SLX4IP: variants seen among roughly 807,000 people sequenced by gnomAD.
The protein encoded by SLX4IP is SLX4 interacting protein.
SLX4IP carries 34 observed loss-of-function variants against 32.9 expected under a neutral mutation model. That is an observed-to-expected ratio of 1.03 (90% confidence interval 0.79 to 1.38). The LOEUF (loss-of-function observed/expected upper bound fraction) is 1.38. Ranked by LOEUF, SLX4IP falls within the 40% of genes most tolerant of loss-of-function variation. The pLI is 0.00. For synonymous variants in SLX4IP, 172 were observed against 171.7 expected (o/e 1.00, Z -0.01); for missense variants, 444 against 479.0 (o/e 0.93, Z 0.68).
chr20:10,524,885 C>T (rs957395171), intron 2 of SLX4IP, among the ~76,000 whole-genome samples: 11 of 152,164 alleles, frequency 7.2e-5, no homozygotes, highest in Admixed American at 6.5e-4. Context: ...GACATTTCTC[C>T]TCGTCATTTC....
At chr20:10,577,059 A>G (rs991898569) in intron 4 of SLX4IP, among the ~76,000 whole-genome samples, 2 of 152,198 alleles carry the variant, frequency 1.3e-5, no homozygotes, top group South Asian at 2.1e-4. Flanking sequence ...ATTATTTACA[A>G]GAATGATTTG....
At chr20:10,599,773 T>A (rs2122547609) in intron 5 of SLX4IP, among the ~76,000 whole-genome samples, 1 of 152,328 alleles carries the variant, frequency 6.6e-6, no homozygotes, top group Middle Eastern at 3.4e-3. Context: ...AACCTTGCAC[T>A]TGTGCCCTTT....
intron 2 of SLX4IP, among the ~76,000 whole-genome samples, chr20:10,475,170 C>G (rs2065464880): frequency 6.6e-6 from 1 of 152,268 alleles, no homozygotes; most frequent in Non-Finnish European, 1.5e-5. Flanking sequence ...ATCCCTGTCT[C>G]TGCTCCAGCC....
chr20:10,510,806 A>C (rs1294130756), intron 2 of SLX4IP, among the ~76,000 whole-genome samples: 1 of 152,086 alleles, frequency 6.6e-6, no homozygotes, highest in East Asian at 1.9e-4. Context: ...GGGTTTCACC[A>C]TGTTCGCCAG....
intron 2 of SLX4IP, among the ~76,000 whole-genome samples, chr20:10,468,894 C>A (rs1393918721): frequency 6.6e-6 from 1 of 152,116 alleles, no homozygotes; most frequent in East Asian, 1.9e-4. Context: ...AAGGAGCTGT[C>A]CTATGCTTCT....
chr20:10,439,727 T>C (rs1254377045), intron 1 of SLX4IP, among the ~76,000 whole-genome samples: 1 of 152,260 alleles, frequency 6.6e-6, no homozygotes, highest in African/African-American at 2.4e-5. Flanking sequence ...CATGTACATG[T>C]CTAATCACTT....
At chr20:10,521,775 C>G (rs757376668) in intron 2 of SLX4IP, among the ~76,000 whole-genome samples, 18 of 152,186 alleles carry the variant, frequency 1.2e-4, no homozygotes, top group Admixed American at 2.0e-4. Flanking sequence ...GGCTGCTTCT[C>G]TTTTACATAC....
chr20:10,508,497 T>C (rs2065778121), intron 2 of SLX4IP, among the ~76,000 whole-genome samples: 1 of 152,218 alleles, frequency 6.6e-6, no homozygotes, highest in Admixed American at 6.5e-5. Flanking sequence ...CAGATTTACA[T>C]TTCCCTGTCT....
intron 1 of SLX4IP, among the ~76,000 whole-genome samples, chr20:10,442,143 G>C (rs146130131): frequency 7.9e-5 from 12 of 152,258 alleles, no homozygotes; most frequent in African/African-American, 2.6e-4. Flanking sequence ...GTTAATTTCT[G>C]GTCTATTTAA....
chr20:10,482,186 T>G (rs184991074), intron 2 of SLX4IP, among the ~76,000 whole-genome samples: 1 of 152,206 alleles, frequency 6.6e-6, no homozygotes, highest in Non-Finnish European at 1.5e-5. Context: ...CATAAAACTT[T>G]GGGTTCTCGA....
intron 2 of SLX4IP, among the ~76,000 whole-genome samples, chr20:10,544,936 C>T (rs2066147544): frequency 6.6e-6 from 1 of 152,084 alleles, no homozygotes; most frequent in Admixed American, 6.5e-5. Context: ...ACAAGGGGGC[C>T]TGTAGCAGGG....
chr20:10,481,620 C>T (rs1600915524), intron 2 of SLX4IP, among the ~76,000 whole-genome samples: 1 of 152,164 alleles, frequency 6.6e-6, no homozygotes, highest in East Asian at 1.9e-4. Context: ...TATAGTAACG[C>T]TGACTTTGAT....
intron 6 of SLX4IP, among the ~76,000 whole-genome samples, chr20:10,616,013 A>G (rs2067023680): frequency 6.6e-6 from 1 of 152,182 alleles, no homozygotes; most frequent in Admixed American, 6.5e-5. Context: ...GGACACAGTC[A>G]TACCATAGCA....
chr20:10,467,492 A>C (rs983528935), intron 2 of SLX4IP, among the ~76,000 whole-genome samples: 4 of 152,190 alleles, frequency 2.6e-5, no homozygotes, highest in African/African-American at 7.2e-5. Flanking sequence ...CTGATACTTA[A>C]AGTCTGCATC....
At chr20:10,606,461 T>TA (rs1346449991) in intron 6 of SLX4IP, among the ~76,000 whole-genome samples, 1 of 152,146 alleles carries the variant, frequency 6.6e-6, no homozygotes. Context: ...ATCATAGAGT[T>TA]AAAAAAATTT....
At position 10,557,982 on chromosome 20, in the gene SLX4IP, A is replaced by AGGCT. The variant is rs201745397; in HGVS notation, c.117+1664_117+1667dup. Among the ~76,000 whole-genome samples the AGGCT allele has an allele frequency of 2.5e-3, 386 of 152,322 alleles. 1 individual carries two copies. Among genetic ancestry groups the AGGCT allele is most frequent in the African/African-American group, 8.8e-3 (364 of 41,578 alleles). ...GCTGCAAGGGGCAGGTCGCTGTAGC[A>AGGCT]GGCTGAGCTTGCCTCTCAAAACCAA... On this transcript the variant is annotated intron_variant, in intron 3 of 7. Coordinates refer to ENST00000334534, the MANE Select transcript of SLX4IP (RefSeq NM_001009608.3).
At chr20:10,544,530 C>T (rs656003) in intron 2 of SLX4IP, among the ~76,000 whole-genome samples, 87,838 of 151,898 alleles carry the variant, frequency 0.58, 25,992 homozygotes, top group South Asian at 0.75. Flanking sequence ...GGACTACAGG[C>T]GTGCACCACC....
intron 2 of SLX4IP, among the ~76,000 whole-genome samples, chr20:10,543,662 G>A (rs2066133484): frequency 6.6e-6 from 1 of 152,204 alleles, no homozygotes. Flanking sequence ...AAGGAAAGCA[G>A]GAAGTGAAAG....
At chr20:10,605,864 G>C (rs751020887) in intron 6 of SLX4IP, among the ~76,000 whole-genome samples, 11 of 152,120 alleles carry the variant, frequency 7.2e-5, no homozygotes, top group Non-Finnish European at 1.3e-4. Context: ...GCACACTACT[G>C]TTTAGTGGTA....
Sources: gnomAD v4.1 joint callset for allele counts (sites outside exome capture counted in the v4.1 genomes callset) on GRCh38, gnomAD v4.1.1 for gene constraint, MANE v1.5 for transcripts, NCBI Gene and HGNC (gene_info 2026-07-23, HGNC 2026-07-21) for gene names.